AK5: variants seen among roughly 807,000 people sequenced by gnomAD.
AK5 encodes adenylate kinase isoenzyme 5.
AK5 carries 27 observed loss-of-function variants against 69.5 expected under a neutral mutation model. That is an observed-to-expected ratio of 0.39 (90% CI 0.29 to 0.54). AK5 has a LOEUF of 0.54. Ranked by LOEUF, AK5 falls within the 20% of genes least tolerant of loss-of-function variation. The probability of loss-of-function intolerance (pLI) is 0.71; values close to 1 mark genes in which losing one functional copy is unlikely to be tolerated. For synonymous variants in AK5, 260 were observed against 244.4 expected (o/e 1.06, Z -0.60); for missense variants, 531 against 700.4 (o/e 0.76, Z 2.73).
chr1:77,525,727 A>G (rs1025306350), intron 12 of AK5, among the ~76,000 whole-genome samples: 1 of 152,174 alleles, frequency 6.6e-6, no homozygotes, highest in Non-Finnish European at 1.5e-5. Context: ...ATTCCAAACC[A>G]TACTAGCATC....
chr1:77,391,525 A>ATATATATATATATATATATATG (rs146163792), intron 6 of AK5, among the ~76,000 whole-genome samples: 8 of 121,678 alleles, frequency 6.6e-5, no homozygotes, highest in Non-Finnish European at 1.4e-4. Context: ...ATATATATAT[A>ATATATATATATATATATATATG]TATCTCCTCA....
At chr1:77,539,652 G>A (rs1281192108) in intron 13 of AK5, among the ~76,000 whole-genome samples, 1 of 152,178 alleles carries the variant, frequency 6.6e-6, no homozygotes, top group Non-Finnish European at 1.5e-5. Context: ...CAGGGGAGGG[G>A]ACAGGATTGT....
intron 6 of AK5, among the ~76,000 whole-genome samples, chr1:77,392,653 T>A (rs1024913919): frequency 5.9e-5 from 9 of 152,302 alleles, no homozygotes; most frequent in Admixed American, 2.6e-4. Context: ...AAACACAGAA[T>A]CCAAATCCGC....
chr1:77,385,316 C>T (rs1043841270), intron 6 of AK5, among the ~76,000 whole-genome samples: 4 of 151,984 alleles, frequency 2.6e-5, no homozygotes, highest in Admixed American at 6.6e-5. Flanking sequence ...CCCGCCACCA[C>T]GCCCGGCTAA....
intron 6 of AK5, among the ~76,000 whole-genome samples, chr1:77,410,445 T>A (rs1649964889): frequency 6.6e-6 from 1 of 151,902 alleles, no homozygotes; most frequent in South Asian, 2.1e-4. Flanking sequence ...GCCTGGCTAA[T>A]TTTTTTGTAT....
At chr1:77,477,911 C>A (rs1390206834) in intron 8 of AK5, among the ~76,000 whole-genome samples, 1 of 152,210 alleles carries the variant, frequency 6.6e-6, no homozygotes, top group Non-Finnish European at 1.5e-5. Flanking sequence ...TTACTTCTTT[C>A]TCCTTCTCAG....
At chr1:77,499,452 C>T (rs917624902) in intron 10 of AK5, among the ~76,000 whole-genome samples, 6 of 152,202 alleles carry the variant, frequency 3.9e-5, no homozygotes, top group Admixed American at 3.3e-4. Flanking sequence ...GTGGATCACG[C>T]GTTACTGCCA....
chr1:77,524,474 T>C (rs1439118013), intron 12 of AK5, among the ~76,000 whole-genome samples: 1 of 152,246 alleles, frequency 6.6e-6, no homozygotes, highest in Non-Finnish European at 1.5e-5. Context: ...TATGGGTTTT[T>C]TTGATAGTGG....
At chr1:77,470,826 AATATATATATATATATATATATAT>A (rs71075744) in intron 8 of AK5, among the ~76,000 whole-genome samples, 3 of 51,148 alleles carry the variant, frequency 5.9e-5, no homozygotes, top group African/African-American at 2.4e-4. Flanking sequence ...GCACATTTAG[AATATATATATATATATATATATAT>A]ATATATATAT....
intron 10 of AK5, among the ~76,000 whole-genome samples, chr1:77,501,189 C>G (rs1373671792): frequency 6.6e-6 from 1 of 152,156 alleles, no homozygotes; most frequent in Non-Finnish European, 1.5e-5. Flanking sequence ...AGGGCTATGC[C>G]CCTCGTAGCC....
intron 6 of AK5, among the ~76,000 whole-genome samples, chr1:77,353,953 A>T (rs930042380): frequency 6.6e-6 from 1 of 152,210 alleles, no homozygotes. Flanking sequence ...AAAAGGCTGC[A>T]GGAGGGAGTA....
At chr1:77,541,417 A>C (rs1022035953) in intron 13 of AK5, among the ~76,000 whole-genome samples, 12 of 152,226 alleles carry the variant, frequency 7.9e-5, no homozygotes, top group Non-Finnish European at 1.2e-4. Flanking sequence ...TGTTTCCAAA[A>C]AAAGAAAAAA....
chr1:77,507,540 G>A (rs1307835370), intron 10 of AK5, among the ~76,000 whole-genome samples: 3 of 152,144 alleles, frequency 2.0e-5, no homozygotes, highest in African/African-American at 4.8e-5. Context: ...CTATACCACT[G>A]GTGTGAAATA....
At chr1:77,342,429 G>A (rs574187784) in intron 6 of AK5, among the ~76,000 whole-genome samples, 3 of 152,288 alleles carry the variant, frequency 2.0e-5, no homozygotes, top group Admixed American at 1.3e-4. Context: ...TTTGCATGGA[G>A]GTGAAATGCC....
intron 5 of AK5, among the ~76,000 whole-genome samples, chr1:77,312,185 T>C (rs1383218613): frequency 6.6e-6 from 1 of 152,092 alleles, no homozygotes; most frequent in Non-Finnish European, 1.5e-5. Context: ...ATGAGGAAGT[T>C]GTTGACAATC....
At chr1:77,504,884 G>T (rs1656939297) in intron 10 of AK5, among the ~76,000 whole-genome samples, 1 of 152,080 alleles carries the variant, frequency 6.6e-6, no homozygotes, top group Non-Finnish European at 1.5e-5. Context: ...TGCTGTAATA[G>T]AATTTATTCA....
chr1:77,373,098 T>A (rs1033786171), intron 6 of AK5, among the ~76,000 whole-genome samples: 13 of 152,236 alleles, frequency 8.5e-5, no homozygotes, highest in Admixed American at 3.3e-4. Context: ...TTTATCCTCT[T>A]GATACATATT....
chr1:77,441,593 T>C (rs764980796), intron 8 of AK5, among the ~76,000 whole-genome samples: 2 of 152,208 alleles, frequency 1.3e-5, no homozygotes, highest in Admixed American at 1.3e-4. Context: ...GGCACCTCAG[T>C]GGTTTAGGCT....
At chr1:77,362,053 A>G (rs1008786807) in intron 6 of AK5, among the ~76,000 whole-genome samples, 1 of 152,184 alleles carries the variant, frequency 6.6e-6, no homozygotes, top group Admixed American at 6.5e-5. Flanking sequence ...AGAGTTGTTG[A>G]GAAGAATGGG....
Sources: gnomAD v4.1 joint callset for allele counts (sites outside exome capture counted in the v4.1 genomes callset) on GRCh38, gnomAD v4.1.1 for gene constraint, MANE v1.5 for transcripts, NCBI Gene and HGNC (gene_info 2026-07-23, HGNC 2026-07-21) for gene names.